Variants in PI4KA observed in about 807,000 individuals in gnomAD.
The protein encoded by PI4KA is PI4-kinase alpha.
Under a neutral mutation model 271.4 loss-of-function variants are expected in PI4KA, and 122 were observed. The ratio of observed to expected loss-of-function variants is 0.45; its 90% CI spans 0.39 to 0.52. PI4KA has a LOEUF of 0.52. Among genes scored for constraint, PI4KA ranks in the 20% least tolerant of loss-of-function variants. The probability of loss-of-function intolerance (pLI) is 0.00; values close to 1 mark genes in which losing one functional copy is unlikely to be tolerated. For synonymous variants in PI4KA, 1,041 were observed against 1,078.8 expected (o/e 0.96, Z 0.69); for missense variants, 1,969 against 2,769.1 (o/e 0.71, Z 6.48).
At chr22:20,759,063 T>G (rs1039095726) in intron 23 of PI4KA, among the ~76,000 whole-genome samples, 11 of 152,160 alleles carry the variant, frequency 7.2e-5, no homozygotes, top group Non-Finnish European at 1.2e-4. Context: ...TTGTTTGTTT[T>G]TTAAGAGACA....
intron 13 of PI4KA, among the ~76,000 whole-genome samples, chr22:20,802,586 A>G (rs1569051016): frequency 6.6e-6 from 1 of 152,156 alleles, no homozygotes; most frequent in East Asian, 1.9e-4. Flanking sequence ...CCCAGGCCGG[A>G]ATGCAGTGGC....
intron 30 of PI4KA, chr22:20,742,973 A>C: frequency 3.6e-6 from 2 of 561,802 alleles, no homozygotes; most frequent in South Asian, 2.1e-5. Flanking sequence ...TCCTCTAGAA[A>C]TGCATGTTGG....
intron 6 of PI4KA, 72 bp from the exon 7 acceptor site, chr22:20,818,621 G>T: frequency 8.5e-7 from 1 of 1,172,524 alleles, no homozygotes; most frequent in Non-Finnish European, 1.2e-6. Flanking sequence ...CTTAGACAAG[G>T]TCCTCTCTGC....
chr22:20,757,360 C>T (rs768851931), intron 23 of PI4KA, among the ~76,000 whole-genome samples: 2 of 152,114 alleles, frequency 1.3e-5, no homozygotes, highest in Non-Finnish European at 2.9e-5. Context: ...AAATGAAAAT[C>T]GCTTTATTTT....
intron 1 of PI4KA, among the ~76,000 whole-genome samples, chr22:20,850,751 A>T (rs1488301481): frequency 2.0e-5 from 3 of 152,032 alleles, no homozygotes; most frequent in East Asian, 1.9e-4. Context: ...AAAATTTTTT[A>T]AAATTTTCGC....
chr22:20,836,054 A>AAAAACAAAACAAAACAAAAC (rs112102593), intron 2 of PI4KA, among the ~76,000 whole-genome samples: 120 of 149,452 alleles, frequency 8.0e-4, no homozygotes, highest in African/African-American at 1.7e-3. Context: ...TCCATTTCAA[A>AAAAACAAAACAAAACAAAAC]AAAACAAAAC....
At chr22:20,743,488 C>T (rs2147291021) in intron 30 of PI4KA, among the ~76,000 whole-genome samples, 1 of 152,032 alleles carries the variant, frequency 6.6e-6, no homozygotes, top group Middle Eastern at 3.4e-3. Flanking sequence ...CAGAGTCTTG[C>T]TCTGTTGCCC....
intron 19 of PI4KA, among the ~76,000 whole-genome samples, chr22:20,775,691 T>G (rs1335330478): frequency 2.0e-5 from 3 of 152,192 alleles, no homozygotes; most frequent in Admixed American, 2.0e-4. Flanking sequence ...GGTCTTGCTA[T>G]GTTGCTCCAG....
chr22:20,787,028 CT>C, intron 19 of PI4KA: 2 of 1,614,186 alleles, frequency 1.2e-6, no homozygotes, highest in South Asian at 2.2e-5. Context: ...CAGCTGCCTG[CT>C]CTTCATGGGA....
Position 20,708,116 on chromosome 22 carries a change from A to C in PI4KA, c.6258-18T>G. The C allele has an allele frequency of 3.1e-6, 5 of 1,611,310 alleles. No individual in the cohort carries two copies. The highest frequency in any genetic ancestry group is 4.2e-6 in the Non-Finnish European group (5 of 1,177,586). ...TCCGGCTCCTGAAAGGCCAAGGAAG[A>C]GTGAAGGGAGATTCGAGGAGCCAGC... On this transcript the variant is annotated intron_variant, in intron 54 of 54. Transcript: ENST00000255882.
chr22:20,848,260 A>G (rs935635669), intron 1 of PI4KA, among the ~76,000 whole-genome samples: 1 of 150,570 alleles, frequency 6.6e-6, no homozygotes, highest in African/African-American at 2.5e-5. Context: ...AAAAAAAAAA[A>G]GGGACAATAT....
intron 20 of PI4KA, 137 bp from the exon 21 acceptor site, chr22:20,765,373 C>A: frequency 1.0e-6 from 1 of 978,810 alleles, no homozygotes; most frequent in South Asian, 1.6e-5. Context: ...AAGTCTGTTA[C>A]CTGACTTGGA....
At chr22:20,818,227 G>A (rs1922106337) in intron 7 of PI4KA, among the ~76,000 whole-genome samples, 1 of 152,120 alleles carries the variant, frequency 6.6e-6, no homozygotes, top group African/African-American at 2.4e-5. Context: ...GGGTCTGTAA[G>A]TTATTTTCTG....
chr22:20,805,375 G>C (rs1935591528), intron 10 of PI4KA, among the ~76,000 whole-genome samples: 1 of 152,196 alleles, frequency 6.6e-6, no homozygotes, highest in Non-Finnish European at 1.5e-5. Flanking sequence ...CTGGCAATCA[G>C]AGGAAATGAT....
intron 1 of PI4KA, among the ~76,000 whole-genome samples, chr22:20,857,780 T>A (rs897358357): frequency 2.0e-5 from 3 of 152,326 alleles, no homozygotes; most frequent in Middle Eastern, 3.4e-3. Flanking sequence ...TAAGTGCCAG[T>A]GCAGGGAACA....
At chr22:20,752,558 A>G (rs1186101342) in intron 25 of PI4KA, among the ~76,000 whole-genome samples, 1 of 152,216 alleles carries the variant, frequency 6.6e-6, no homozygotes, top group East Asian at 1.9e-4. Flanking sequence ...TGAGAAGCCC[A>G]AAGATACTGA....
intron 1 of PI4KA, among the ~76,000 whole-genome samples, chr22:20,842,179 G>C (rs1318800560): frequency 6.6e-6 from 1 of 151,984 alleles, no homozygotes; most frequent in Non-Finnish European, 1.5e-5. Flanking sequence ...AGTGAGCTGA[G>C]ATTGCGCCAC....
At chr22:20,758,543 A>G (rs1431332508) in intron 23 of PI4KA, among the ~76,000 whole-genome samples, 1 of 148,902 alleles carries the variant, frequency 6.7e-6, no homozygotes, top group Non-Finnish European at 1.5e-5. Flanking sequence ...TTTTCTTCCA[A>G]TGTGGCTCAA....
At position 20,799,591 on chromosome 22, in the gene PI4KA, C is replaced by CA. The variant is rs568863665; in HGVS notation, c.1820+79dup. 90 of 933,890 alleles carry CA rather than the reference C, an allele frequency of 9.6e-5. 2 individuals are homozygous for CA. In the South Asian group the frequency reaches 1.2e-3, roughly 13 times the overall value. 57.9% of individuals were successfully genotyped at this position (933,890 alleles called of 1,614,324 possible). A position where few individuals can be genotyped will look rare whatever the true frequency, so the allele number is the denominator to read the frequency against. On this transcript the variant is annotated intron_variant, in intron 15 of 54. Coordinates refer to ENST00000255882, the MANE Select transcript of PI4KA (RefSeq NM_058004.4). ...ACAAGGAGATAAGGACAGAGGCATG[C>CA]ATACGCACAATGCCAGGTGCCCCAC...
Sources: gnomAD v4.1 joint callset for allele counts (sites outside exome capture counted in the v4.1 genomes callset) on GRCh38, gnomAD v4.1.1 for gene constraint, MANE v1.5 for transcripts, NCBI Gene and HGNC (gene_info 2026-07-23, HGNC 2026-07-21) for gene names.